Variants in ANKFN1 observed in about 807,000 individuals in gnomAD.
The protein encoded by ANKFN1 is ankyrin repeat and fibronectin type III domain containing 1.
Under a neutral mutation model 108.7 loss-of-function variants are expected in ANKFN1, and 74 were observed. The observed-to-expected ratio is 0.68, with a 90% CI of 0.56 to 0.83. The LOEUF (loss-of-function observed/expected upper bound fraction) is 0.83, where lower values mean the gene tolerates loss of function less well. Among genes scored for constraint, ANKFN1 ranks in the 40% least tolerant of loss-of-function variants. ANKFN1 has a pLI of 0.00. For missense variants in ANKFN1, 1,505 were observed against 1,382.3 expected (o/e 1.09, Z -1.41); for synonymous variants, 547 against 516.2 (o/e 1.06, Z -0.81).
At chr17:56,405,631 T>A (rs1324641659) in intron 8 of ANKFN1, among the ~76,000 whole-genome samples, 1 of 152,196 alleles carries the variant, frequency 6.6e-6, no homozygotes, top group African/African-American at 2.4e-5. Context: ...CAACGTTGTT[T>A]AAAGGAGTAA....
intron 8 of ANKFN1, among the ~76,000 whole-genome samples, chr17:56,383,050 C>T (rs1290317809): frequency 6.6e-6 from 1 of 152,134 alleles, no homozygotes; most frequent in East Asian, 1.9e-4. Flanking sequence ...CACACCACAC[C>T]TATTCCAAAA....
At chr17:56,412,650 G>T (rs1026426638) in intron 8 of ANKFN1, among the ~76,000 whole-genome samples, 1 of 152,132 alleles carries the variant, frequency 6.6e-6, no homozygotes, top group African/African-American at 2.4e-5. Context: ...TCAGCTTTTG[G>T]ACTCTTGGAC....
At chr17:56,299,277 G>A (rs1197961679) in intron 3 of ANKFN1, among the ~76,000 whole-genome samples, 1 of 152,028 alleles carries the variant, frequency 6.6e-6, no homozygotes, top group East Asian at 1.9e-4. Context: ...AGGTCTCCCC[G>A]CATCTCTCCA....
intron 4 of ANKFN1, among the ~76,000 whole-genome samples, chr17:56,137,290 C>T (rs1193886805): frequency 6.6e-6 from 1 of 152,150 alleles, no homozygotes; most frequent in African/African-American, 2.4e-5. Flanking sequence ...ATAATGTATT[C>T]CCTTAGGGGC....
At chr17:56,264,427 C>G (rs570459625) in intron 3 of ANKFN1, among the ~76,000 whole-genome samples, 1 of 152,144 alleles carries the variant, frequency 6.6e-6, no homozygotes, top group Non-Finnish European at 1.5e-5. Flanking sequence ...ACAGGATTCT[C>G]GCTATTTTTC....
At chr17:56,094,706 G>C (rs12951456) in intron 4 of ANKFN1, among the ~76,000 whole-genome samples, 1 of 137,248 alleles carries the variant, frequency 7.3e-6, no homozygotes, top group Non-Finnish European at 1.6e-5. Flanking sequence ...ATTTTTAGTA[G>C]AGACGGGGTT....
intron 1 of ANKFN1, among the ~76,000 whole-genome samples, chr17:56,199,331 A>G (rs1913832609): frequency 1.3e-5 from 2 of 150,318 alleles, no homozygotes; most frequent in Non-Finnish European, 3.0e-5. Context: ...ACCTTACTGA[A>G]CTCTCTTCTA....
chr17:56,339,616 GTCCCT>G, intron 4 of ANKFN1, among the ~76,000 whole-genome samples: 1 of 152,206 alleles, frequency 6.6e-6, no homozygotes, highest in East Asian at 1.9e-4. Flanking sequence ...CTCCACCCAT[GTCCCT>G]GCAAAGGTCA....
chr17:56,260,150 C>G (rs1284348681), intron 3 of ANKFN1, among the ~76,000 whole-genome samples: 1 of 152,112 alleles, frequency 6.6e-6, no homozygotes, highest in Non-Finnish European at 1.5e-5. Context: ...TTCAGCTTTC[C>G]CAATGTGACT....
At chr17:56,425,548 T>C (rs570343605) in intron 8 of ANKFN1, among the ~76,000 whole-genome samples, 3 of 152,328 alleles carry the variant, frequency 2.0e-5, no homozygotes, top group Non-Finnish European at 4.4e-5. Flanking sequence ...TCCTGTCCCA[T>C]CTTATTTCTA....
intron 12 of ANKFN1, 71 bp downstream of exon 12, chr17:56,457,031 A>T: frequency 7.1e-7 from 1 of 1,402,862 alleles, no homozygotes; most frequent in Non-Finnish European, 9.8e-7. Flanking sequence ...TCTGAGTAGA[A>T]ACTTGGTAGA....
intron 3 of ANKFN1, among the ~76,000 whole-genome samples, chr17:56,266,413 C>G (rs937914279): frequency 4.6e-5 from 7 of 152,114 alleles, no homozygotes; most frequent in African/African-American, 1.7e-4. Flanking sequence ...ACCTACATAC[C>G]TTTCATTCAA....
chr17:56,058,696 G>C (rs1005819432), intron 4 of ANKFN1, among the ~76,000 whole-genome samples: 6 of 152,014 alleles, frequency 3.9e-5, no homozygotes, highest in African/African-American at 1.4e-4. Flanking sequence ...TTGGTTCTCT[G>C]TTCCTGTGTT....
chr17:56,380,703 C>A lies in ANKFN1; in HGVS notation c.910+5989C>A, dbSNP rs556435547. Among the ~76,000 whole-genome samples the A allele has an allele frequency of 1.6e-4, 25 of 152,312 alleles. 1 individual carries two copies. The East Asian group carries it at 4.8e-3, about 29-fold the overall frequency. On this transcript the variant is annotated intron_variant, in intron 8 of 20. Coordinates refer to ENST00000682825, the MANE Select transcript of ANKFN1 (RefSeq NM_001370326.1). ...GATTGCTAGCACAGCAGTCTGAGAT[C>A]AAACTGCAAGGCAGCAGCGAGGCCG... is the stretch of plus-strand genomic sequence containing the variant.
At chr17:56,139,060 T>A (rs1907766726) in intron 4 of ANKFN1, among the ~76,000 whole-genome samples, 1 of 152,218 alleles carries the variant, frequency 6.6e-6, no homozygotes, top group Admixed American at 6.5e-5. Context: ...AGGCTAGTGA[T>A]CAGAAGCTAT....
intron 1 of ANKFN1, among the ~76,000 whole-genome samples, chr17:56,189,179 T>TTTTTTTTTTTTTGTTTTTTG (rs1244013476): frequency 6.3e-5 from 7 of 111,376 alleles, no homozygotes; most frequent in East Asian, 5.8e-4. Flanking sequence ...ACTTTTTTTT[T>TTTTTTTTTTTTTGTTTTTTG]TTTTTTTTTG....
At chr17:56,117,065 G>A (rs531434824) in intron 4 of ANKFN1, among the ~76,000 whole-genome samples, 1 of 152,208 alleles carries the variant, frequency 6.6e-6, no homozygotes, top group South Asian at 2.1e-4. Context: ...ATCTAAAATA[G>A]CTCCTGTTCT....
At chr17:56,369,750 A>G (rs1018247310) in intron 6 of ANKFN1, among the ~76,000 whole-genome samples, 1 of 152,214 alleles carries the variant, frequency 6.6e-6, no homozygotes, top group African/African-American at 2.4e-5. Flanking sequence ...TATTAAAAAA[A>G]TCCACTGGAA....
At chr17:56,235,786 G>A (rs1917087838) in intron 3 of ANKFN1, among the ~76,000 whole-genome samples, 1 of 152,116 alleles carries the variant, frequency 6.6e-6, no homozygotes, top group Non-Finnish European at 1.5e-5. Context: ...GTTGGCTAAG[G>A]TGATGACTCC....
Sources: gnomAD v4.1 joint callset for allele counts (sites outside exome capture counted in the v4.1 genomes callset) on GRCh38, gnomAD v4.1.1 for gene constraint, MANE v1.5 for transcripts, NCBI Gene and HGNC (gene_info 2026-07-23, HGNC 2026-07-21) for gene names.